The following CTCF variants were observed in gnomAD, a reference collection of about 807,000 sequenced individuals.
CTCF encodes transcriptional repressor CTCF.
Under a neutral mutation model 72.3 loss-of-function variants are expected in CTCF, and 7 were observed. The observed-to-expected ratio is 0.10, with a 90% confidence interval of 0.06 to 0.18. The LOEUF is 0.18. Among genes scored for constraint, CTCF ranks in the 10% least tolerant of loss-of-function variants. CTCF has a pLI of 1.00. For missense variants in CTCF, 516 were observed against 949.1 expected, an observed-to-expected ratio of 0.54 and a Z score of 6.00; for synonymous variants, 374 against 315.8, an observed-to-expected ratio of 1.18 and a Z score of -1.95.
chr16:67,596,273 A>G (rs1055618506), intron 2 of CTCF, among the ~76,000 whole-genome samples: 2 of 152,296 alleles, frequency 1.3e-5, no homozygotes, highest in East Asian at 1.9e-4. Flanking sequence ...TTTCAAAACA[A>G]CCATAGCAGT....
chr16:67,602,322 G>T (rs571575681), intron 2 of CTCF, among the ~76,000 whole-genome samples: 1 of 152,154 alleles, frequency 6.6e-6, no homozygotes, highest in Non-Finnish European at 1.5e-5. Context: ...TATTATTGAG[G>T]ATATTTAAAT....
At chr16:67,580,894 G>T (rs1002966092) in intron 2 of CTCF, among the ~76,000 whole-genome samples, 1 of 151,646 alleles carries the variant, frequency 6.6e-6, no homozygotes, top group Admixed American at 6.6e-5. Context: ...GGGATTACAG[G>T]CGTGAGCCAC....
intron 2 of CTCF, among the ~76,000 whole-genome samples, chr16:67,580,882 C>T (rs2051570515): frequency 6.6e-6 from 1 of 150,460 alleles, no homozygotes; most frequent in East Asian, 2.0e-4. Context: ...TCCCAAAGTG[C>T]TGGGATTACA....
At chr16:67,603,009 A>C (rs2051917785) in intron 2 of CTCF, among the ~76,000 whole-genome samples, 1 of 152,162 alleles carries the variant, frequency 6.6e-6, no homozygotes, top group African/African-American at 2.4e-5. Flanking sequence ...TAACAAGTAC[A>C]AAGTTGTGCT....
chr16:67,611,578 T>C lies in CTCF; in HGVS notation c.746T>C (p.Met249Thr). 6.2e-7 allele frequency: 1 copy of C among 1,613,994 alleles called. No individual in the cohort carries two copies. The highest frequency in any genetic ancestry group is 8.5e-7 in the Non-Finnish European group (1 of 1,179,992). The change falls in exon 3 of 12, where the codon ATG becomes ACG. Residue 249 changes from methionine (M) to threonine (T), a missense_variant. Transcript: ENST00000264010. ...EVNAEKVVGN[M>T]KPPKPTKIKK... Reference sequence around the variant, plus strand: ...AATGCAGAGAAAGTGGTTGGTAATATGAAGCCTCCAAAGCCAACAAAAATT... The same window carrying C: ...AATGCAGAGAAAGTGGTTGGTAATACGAAGCCTCCAAAGCCAACAAAAATT...
intron 1 of CTCF, 143 bp downstream of exon 1, chr16:67,562,867 G>T (rs1265013276): frequency 1.3e-5 from 2 of 149,266 alleles, no homozygotes; most frequent in East Asian, 4.0e-4. Context: ...CTGCTGCGGC[G>T]CGGCCGCCGC....
chr16:67,588,448 G>A (rs1469837866), intron 2 of CTCF, among the ~76,000 whole-genome samples: 1 of 152,074 alleles, frequency 6.6e-6, no homozygotes, highest in Non-Finnish European at 1.5e-5. Flanking sequence ...GAGGGATCTG[G>A]TGGTCTCTAA....
At chr16:67,612,566 G>T (rs1390865879) in intron 4 of CTCF, 1 of 152,182 alleles carries the variant, frequency 6.6e-6, no homozygotes, top group Non-Finnish European at 1.5e-5. Context: ...CTCCAGCCTG[G>T]GCGACAGTGC....
intron 5 of CTCF, 44 bp downstream of exon 5, chr16:67,616,922 T>C: frequency 1.9e-6 from 3 of 1,596,782 alleles, no homozygotes; most frequent in Middle Eastern, 1.7e-4. Context: ...AGGCAGACCA[T>C]GATTTATTTC....
intron 2 of CTCF, among the ~76,000 whole-genome samples, chr16:67,596,502 A>T (rs989523931): frequency 6.6e-6 from 1 of 151,558 alleles, no homozygotes; most frequent in African/African-American, 2.4e-5. Flanking sequence ...TGTTGCAGAT[A>T]TTTTTTTCAT....
At chr16:67,601,725 T>A (rs895437954) in intron 2 of CTCF, among the ~76,000 whole-genome samples, 1 of 152,176 alleles carries the variant, frequency 6.6e-6, no homozygotes, top group Non-Finnish European at 1.5e-5. Context: ...GTGTTTTTTT[T>A]CAGTGAGACA....
At chr16:67,607,738 G>A (rs2051995444) in intron 2 of CTCF, among the ~76,000 whole-genome samples, 1 of 151,982 alleles carries the variant, frequency 6.6e-6, no homozygotes, top group African/African-American at 2.4e-5. Context: ...TAAAAACCGT[G>A]GCTGGGCGTG....
intron 2 of CTCF, among the ~76,000 whole-genome samples, chr16:67,594,253 A>C (rs1301935889): frequency 6.6e-6 from 1 of 151,960 alleles, no homozygotes; most frequent in Non-Finnish European, 1.5e-5. Context: ...GTATGGTGGC[A>C]CATGCTTGTA....
intron 2 of CTCF, among the ~76,000 whole-genome samples, chr16:67,607,689 T>TTGAGTACTTACCATCCTGGCA (rs1266220693): frequency 3.9e-5 from 6 of 152,190 alleles, no homozygotes; most frequent in African/African-American, 1.4e-4. Context: ...TGGTTGGCAT[T>TTGAGTACTTACCATCCTGGCA]TATTGAGTAC....
intron 5 of CTCF, among the ~76,000 whole-genome samples, chr16:67,619,093 G>A (rs184007702): frequency 2.6e-5 from 4 of 152,294 alleles, no homozygotes; most frequent in African/African-American, 7.2e-5. Flanking sequence ...AATTAGTAAC[G>A]CTGTTAGGAT....
chr16:67,638,154 G>T lies in CTCF; in HGVS notation c.*282G>T, dbSNP rs1418113677. On this transcript the variant is annotated 3_prime_UTR_variant, in exon 12 of 12. Transcript: ENST00000264010. ...TAACTCGTTTTCCTAGATGGAAACGGAGACATTGACCCCTCCCTCCATGTG... is the reference window on the plus strand; with the variant it reads ...TAACTCGTTTTCCTAGATGGAAACGTAGACATTGACCCCTCCCTCCATGTG... 1.1e-5 allele frequency: 4 copies of T among 356,364 alleles called. No individual in the cohort carries two copies. The highest frequency in any genetic ancestry group is 2.0e-5 in the Non-Finnish European group (4 of 196,780). 22.1% of individuals were successfully genotyped at this position (356,364 alleles called of 1,614,324 possible).
chr16:67,577,464 G>A (rs1003736926), intron 2 of CTCF, among the ~76,000 whole-genome samples: 7 of 149,254 alleles, frequency 4.7e-5, no homozygotes, highest in Non-Finnish European at 8.9e-5. Flanking sequence ...TTGAGATGGA[G>A]TCTCGCTCTG....
chr16:67,621,258 C>G lies in CTCF; in HGVS notation c.1208-184C>G. The G allele has an allele frequency of 7.6e-6, 4 of 526,762 alleles. No homozygotes were observed. In the East Asian group the frequency reaches 1.1e-4, roughly 15 times the overall value. 32.6% of individuals were successfully genotyped at this position (526,762 alleles called of 1,614,324 possible). On this transcript the variant is annotated intron_variant, in intron 6 of 11. Coordinates refer to ENST00000264010, the MANE Select transcript of CTCF (RefSeq NM_006565.4). ...AGCTGGGCAGAGCAGAGGTGGCCAG[C>G]AGCAGTTTAGGACTTGGCCATATCT...
intron 2 of CTCF, among the ~76,000 whole-genome samples, chr16:67,598,658 A>G (rs1408380005): frequency 1.3e-5 from 2 of 152,248 alleles, no homozygotes; most frequent in African/African-American, 4.8e-5. Flanking sequence ...TCCCAGTGCA[A>G]TTTCTCCCAC....
Sources: allele counts gnomAD v4.1 joint callset (sites outside exome capture counted in the v4.1 genomes callset), GRCh38; gene constraint gnomAD v4.1.1; transcripts MANE v1.5; gene names NCBI Gene and HGNC (gene_info 2026-07-23, HGNC 2026-07-21).